Variants in EIF5A observed in about 807,000 individuals in gnomAD.
EIF5A encodes eukaryotic translation initiation factor 5A-1.
In EIF5A, 1 loss-of-function variant was observed where a neutral mutation model predicts 16.6. That is an observed-to-expected ratio of 0.06 (90% confidence interval 0.02 to 0.28). The LOEUF (loss-of-function observed/expected upper bound fraction) is 0.28. EIF5A is among the 10% of genes least tolerant of loss of function. The pLI is 1.00. For missense variants in EIF5A, 29 were observed against 196.1 expected, an observed-to-expected ratio of 0.15 and a Z score of 5.09; for synonymous variants, 80 against 73.6, an observed-to-expected ratio of 1.09 and a Z score of -0.44.
intron 3 of EIF5A, 113 bp downstream of exon 3, chr17:7,311,235 G>A (rs1166405169): frequency 1.8e-5 from 29 of 1,581,156 alleles, no homozygotes; most frequent in Non-Finnish European, 2.4e-5. Flanking sequence ...GAAATGGCAG[G>A]AGAGGGTGTT....
At chr17:7,307,485 G>C, upstream of EIF5A, 1 of 1,034,000 alleles carries the variant, frequency 9.7e-7, no homozygotes, top group South Asian at 3.7e-5. Flanking sequence ...CGCGTCATTG[G>C]ACGGGTCGGT....
At position 7,311,813 on chromosome 17, in the gene EIF5A, C is replaced by T. The variant is rs1357209789; in HGVS notation, c.*12-9C>T. 2.9e-6 allele frequency: 3 copies of T among 1,018,780 alleles called. No individual in the cohort carries two copies. Among genetic ancestry groups the T allele is most frequent in the Non-Finnish European group, 4.4e-6 (3 of 688,248 alleles). 63.1% of individuals were successfully genotyped at this position (1,018,780 alleles called of 1,614,324 possible). A position where few individuals can be genotyped will look rare whatever the true frequency, so the allele number is the denominator to read the frequency against. On this transcript the variant is annotated splice_polypyrimidine_tract_variant and intron_variant, in intron 5 of 5. Coordinates refer to ENST00000336458, the MANE Select transcript of EIF5A (RefSeq NM_001970.5). Reference sequence around the variant, plus strand: ...TATCCTGTCTTACTAATTTCTCTCTCCTACCTAGGGTGGCGGTGGTGGCAG... The same window carrying T: ...TATCCTGTCTTACTAATTTCTCTCTTCTACCTAGGGTGGCGGTGGTGGCAG...
intron 1 of EIF5A, among the ~76,000 whole-genome samples, chr17:7,309,182 T>TCCCCCCCC (rs60872664): frequency 7.5e-6 from 1 of 133,582 alleles, no homozygotes; most frequent in Non-Finnish European, 1.6e-5. Context: ...GTCTCCACCC[T>TCCCCCCCC]CCCCCCCCCC....
chr17:7,307,180 G>T (rs1295011431), upstream of EIF5A: 1 of 1,491,432 alleles, frequency 6.7e-7, no homozygotes, highest in Non-Finnish European at 9.1e-7. Flanking sequence ...CGTTCTAGAC[G>T]AGACAAGTGA....
At chr17:7,311,234 G>GGA in intron 3 of EIF5A, 112 bp downstream of exon 3, 1 of 1,580,008 alleles carries the variant, frequency 6.3e-7, no homozygotes, top group South Asian at 1.1e-5. Context: ...GGAAATGGCA[G>GGA]GAGAGGGTGT....
chr17:7,308,709 A>T, intron 1 of EIF5A: 1 of 679,454 alleles, frequency 1.5e-6, no homozygotes, highest in South Asian at 1.7e-5. Flanking sequence ...CCACCGTGAT[A>T]GGCGTTCTTC....
chr17:7,310,778 G>A (rs1452200163), intron 2 of EIF5A: 1 of 985,350 alleles, frequency 1.0e-6, no homozygotes. Context: ...TCTTCTCCAA[G>A]CCTGCCATGC....
At chr17:7,308,426 G>A in intron 1 of EIF5A, 1 of 1,309,198 alleles carries the variant, frequency 7.6e-7, no homozygotes, top group Non-Finnish European at 1.0e-6. Context: ...GTTCCGAGGG[G>A]GCCTGAGATT....
At chr17:7,308,236 G>C (rs1400811628) in intron 1 of EIF5A, 3 of 1,021,278 alleles carry the variant, frequency 2.9e-6, no homozygotes, top group East Asian at 2.2e-4. Context: ...CCGCGGCACC[G>C]GAAGTGCCCC....
Position 7,311,382 on chromosome 17 carries a change from G to A in EIF5A, c.303G>A (p.Leu101=). The change falls in exon 4 of 6, where the codon CTG becomes CTA. Residue 101 remains leucine, a synonymous_variant. Transcript: ENST00000336458. The part of the protein sequence containing the change: ...LIGIQDGYLS[L]LQDSGEVRED... Reference sequence around the variant, plus strand: ...GCATCCAGGATGGGTACCTATCACTGCTCCAGGACAGCGGGGAGGTACGAG... The same window carrying A: ...GCATCCAGGATGGGTACCTATCACTACTCCAGGACAGCGGGGAGGTACGAG... 6.2e-7 allele frequency: 1 copy of A among 1,614,132 alleles called. No individual in the cohort carries two copies. Among genetic ancestry groups the A allele is most frequent in the South Asian group, 1.1e-5 (1 of 91,082 alleles).
chr17:7,307,419 C>T, upstream of EIF5A: 1 of 1,103,544 alleles, frequency 9.1e-7, no homozygotes, highest in Non-Finnish European at 1.1e-6. Flanking sequence ...GGTGCGCCTG[C>T]GCGTTGCAGA....
Position 7,312,179 on chromosome 17 carries a change from G to A in EIF5A, c.*369G>A, listed in dbSNP as rs2072851732. 1 of 158,662 alleles carries A rather than the reference G, an allele frequency of 6.3e-6. No homozygotes were observed. The highest frequency in any genetic ancestry group is 7.3e-5 in the Admixed American group (1 of 13,674). 9.8% of individuals were successfully genotyped at this position (158,662 alleles called of 1,614,324 possible). On this transcript the variant is annotated 3_prime_UTR_variant, in exon 6 of 6. Coordinates refer to ENST00000336458, the MANE Select transcript of EIF5A (RefSeq NM_001970.5). ...GTGGATTCTGGCAAATGGTCCTTGT[G>A]CCCTCCCCACTCATCCCTGGTCTGG...
intron 2 of EIF5A, chr17:7,310,605 GCT>G: frequency 2.0e-6 from 2 of 985,244 alleles, no homozygotes; most frequent in Non-Finnish European, 2.4e-6. Flanking sequence ...CTTTTCTTCA[GCT>G]CTTTCACATT....
chr17:7,309,372 T>C (rs553974326), intron 1 of EIF5A, among the ~76,000 whole-genome samples: 1 of 152,274 alleles, frequency 6.6e-6, no homozygotes, highest in Non-Finnish European at 1.5e-5. Flanking sequence ...AGCCTTCCTT[T>C]CCCAAGCCAC....
chr17:7,309,170 C>T (rs868495690), intron 1 of EIF5A, among the ~76,000 whole-genome samples: 34 of 150,340 alleles, frequency 2.3e-4, no homozygotes, highest in African/African-American at 8.3e-4. Context: ...CCTTGTCCTC[C>T]GGTCTCCACC....
At chr17:7,310,840 T>A (rs534654034) in intron 2 of EIF5A, 178 bp from the exon 3 acceptor site, 1 of 985,448 alleles carries the variant, frequency 1.0e-6, no homozygotes, top group South Asian at 4.7e-5. Flanking sequence ...TTTTAGCCTC[T>A]GTTTTTTTTC....
intron 1 of EIF5A, chr17:7,308,531 G>A: frequency 7.4e-7 from 1 of 1,351,708 alleles, no homozygotes; most frequent in Non-Finnish European, 9.8e-7. Flanking sequence ...GGCCCCAGGA[G>A]CTTTCCTGAA....
Position 7,312,428 on chromosome 17 carries a change from C to T in EIF5A, c.*618C>T. On this transcript the variant is annotated 3_prime_UTR_variant, in exon 6 of 6. Transcript: ENST00000336458. Reference sequence around the variant, plus strand: ...CCCGACACATTTGTTAAAATCAAACCTGAATAAAACTACAAGTTTAATATG... The same window carrying T: ...CCCGACACATTTGTTAAAATCAAACTTGAATAAAACTACAAGTTTAATATG... 3.6e-6 allele frequency: 1 copy of T among 278,584 alleles called. No homozygotes were observed. The allele number at this position is 278,584 out of a possible 1,614,324, so 17.3% of individuals were successfully genotyped here. A position where few individuals can be genotyped will look rare whatever the true frequency, so the allele number is the denominator to read the frequency against.
At chr17:7,310,890 T>C in intron 2 of EIF5A, 128 bp from the exon 3 acceptor site, 2 of 1,440,594 alleles carry the variant, frequency 1.4e-6, no homozygotes, top group Non-Finnish European at 1.8e-6. Context: ...ACTGGTTCAA[T>C]TCCAACACTC....
Sources: gnomAD v4.1 joint callset for allele counts (sites outside exome capture counted in the v4.1 genomes callset) on GRCh38, gnomAD v4.1.1 for gene constraint, MANE v1.5 for transcripts, NCBI Gene and HGNC (gene_info 2026-07-23, HGNC 2026-07-21) for gene names.